Variants in MSN observed in about 807,000 individuals in gnomAD.
MSN encodes the protein epididymis luminal protein 70.
MSN carries 2 observed loss-of-function variants against 48.0 expected under a neutral mutation model. The observed-to-expected ratio is 0.04, with a 90% CI of 0.02 to 0.13. MSN has a LOEUF of 0.13. Ranked by LOEUF, MSN falls within the 10% of genes least tolerant of loss-of-function variation. MSN has a pLI of 1.00. For missense variants in MSN, 267 were observed against 470.1 expected (o/e 0.57, Z 3.99); for synonymous variants, 146 against 166.9 (o/e 0.87, Z 0.97).
chrX:65,637,089 CAAA>C (rs746876937), intron 1 of MSN, among the ~76,000 whole-genome samples: 1 of 69,983 alleles, frequency 1.4e-5, no homozygotes, highest in Non-Finnish European at 2.7e-5. Flanking sequence ...GATTCGGTCT[CAAA>C]AAAAAAAAAA....
At chrX:65,629,128 C>T (rs935592364) in intron 1 of MSN, among the ~76,000 whole-genome samples, 1 of 110,439 alleles carries the variant, frequency 9.1e-6, no homozygotes, top group African/African-American at 3.3e-5. Flanking sequence ...GAATGCTTTG[C>T]TGCCTAGAAA....
At chrX:65,693,360 T>C (rs2071195171) in intron 1 of MSN, among the ~76,000 whole-genome samples, 1 of 112,590 alleles carries the variant, frequency 8.9e-6, no homozygotes, top group African/African-American at 3.2e-5. Flanking sequence ...TAGCTTTTGA[T>C]GTGTTTGCTC....
chrX:65,633,373 CTCTT>C, intron 1 of MSN, among the ~76,000 whole-genome samples: 1 of 112,118 alleles, frequency 8.9e-6, no homozygotes, highest in Middle Eastern at 4.6e-3. Flanking sequence ...TTATAAAAAG[CTCTT>C]TATGCATTAG....
chrX:65,650,827 G>C (rs1292859965), intron 1 of MSN, among the ~76,000 whole-genome samples: 2 of 112,010 alleles, frequency 1.8e-5, no homozygotes, highest in Non-Finnish European at 3.8e-5. Context: ...GAAGGCTCTA[G>C]AGAAGAATAA....
At chrX:65,617,492 G>T (rs751586602) in intron 1 of MSN, among the ~76,000 whole-genome samples, 1 of 105,816 alleles carries the variant, frequency 9.5e-6, no homozygotes, top group Non-Finnish European at 1.9e-5. Context: ...GTTTATTTGC[G>T]TAGAGGTGTT....
At chrX:65,640,349 G>C (rs1000194836) in intron 1 of MSN, among the ~76,000 whole-genome samples, 1 of 111,263 alleles carries the variant, frequency 9.0e-6, no homozygotes, top group Non-Finnish European at 1.9e-5. Flanking sequence ...GACCAGCCTG[G>C]CTAACATAGT....
At chrX:65,708,337 G>A (rs896665184) in intron 1 of MSN, among the ~76,000 whole-genome samples, 1 of 112,235 alleles carries the variant, frequency 8.9e-6, no homozygotes, top group African/African-American at 3.2e-5. Context: ...ATGTTGCCCA[G>A]GCTGGAGTGC....
chrX:65,634,918 G>A (rs920475601), intron 1 of MSN, among the ~76,000 whole-genome samples: 1 of 111,260 alleles, frequency 9.0e-6, no homozygotes, highest in African/African-American at 3.3e-5. Context: ...TCGGACACTG[G>A]ACTCCACAGG....
intron 1 of MSN, among the ~76,000 whole-genome samples, chrX:65,614,892 C>T (rs1200388842): frequency 2.7e-5 from 2 of 73,621 alleles, no homozygotes; most frequent in Non-Finnish European, 4.9e-5. Flanking sequence ...GTGTGATATT[C>T]CCCTTCCTGT....
intron 1 of MSN, among the ~76,000 whole-genome samples, chrX:65,642,352 T>G (rs1232288855): frequency 2.8e-5 from 2 of 70,272 alleles, no homozygotes; most frequent in Non-Finnish European, 2.2e-5. Context: ...TACATTATGG[T>G]GTGTGTGTGT....
At chrX:65,636,772 A>AAAG (rs2070604703) in intron 1 of MSN, among the ~76,000 whole-genome samples, 1 of 101,747 alleles carries the variant, frequency 9.8e-6, no homozygotes, top group African/African-American at 3.7e-5. Context: ...AAAAAAAAAA[A>AAAG]AACCAGAAAG....
chrX:65,620,083 G>C (rs35473697), intron 1 of MSN, among the ~76,000 whole-genome samples: 1 of 112,072 alleles, frequency 8.9e-6, no homozygotes, highest in Non-Finnish European at 1.9e-5. Flanking sequence ...CTCCAGCTGC[G>C]TGCTGGGAGA....
chrX:65,686,302 C>G (rs999770908), intron 1 of MSN, among the ~76,000 whole-genome samples: 1 of 112,638 alleles, frequency 8.9e-6, no homozygotes, highest in South Asian at 3.6e-4. Flanking sequence ...CCACCTTTCT[C>G]TTGCCTTTTT....
chrX:65,667,746 C>G lies in MSN; in HGVS notation c.-96C>G, dbSNP rs778199127. 66 of 1,174,840 alleles carry G rather than the reference C, an allele frequency of 5.6e-5. No homozygotes were observed. The highest frequency in any genetic ancestry group is 6.9e-5 in the Non-Finnish European group (60 of 874,454). ...GCTAGTGAGGGACCCAATCTGAGTC[C>G]CCGGCCAGCCGAATCCAAGCCGTGT... On this transcript the variant is annotated 5_prime_UTR_variant, in exon 1 of 13. Transcript: ENST00000360270.
chrX:65,631,784 C>G (rs1233724206), intron 1 of MSN, among the ~76,000 whole-genome samples: 3 of 111,732 alleles, frequency 2.7e-5, no homozygotes, highest in African/African-American at 9.8e-5. Flanking sequence ...AAGTGATCCT[C>G]TCACCTCAGC....
chrX:65,712,681 C>T (rs1165339542), intron 1 of MSN, among the ~76,000 whole-genome samples: 9 of 110,217 alleles, frequency 8.2e-5, no homozygotes, highest in Non-Finnish European at 1.9e-5. Context: ...GTTGAGCTCA[C>T]GGACTCTATG....
At chrX:65,638,868 A>G (rs2070626852) in intron 1 of MSN, among the ~76,000 whole-genome samples, 1 of 111,929 alleles carries the variant, frequency 8.9e-6, no homozygotes, top group Non-Finnish European at 1.9e-5. Flanking sequence ...AAACCTGGAT[A>G]TGAATCCACC....
At chrX:65,691,565 T>C (rs5965002) in intron 1 of MSN, among the ~76,000 whole-genome samples, 26,293 of 110,718 alleles carry the variant, frequency 0.24, 7,661 homozygotes, top group African/African-American at 0.83. Context: ...AGTGCAATGG[T>C]GCAATCTCGA....
At chrX:65,645,471 G>A (rs1314355731) in intron 1 of MSN, among the ~76,000 whole-genome samples, 1 of 109,022 alleles carries the variant, frequency 9.2e-6, no homozygotes, top group Non-Finnish European at 1.9e-5. Context: ...CGGGGGCACA[G>A]AGAAGAAAGG....
Sources: gnomAD v4.1 joint callset for allele counts (sites outside exome capture counted in the v4.1 genomes callset) on GRCh38, gnomAD v4.1.1 for gene constraint, MANE v1.5 for transcripts, NCBI Gene and HGNC (gene_info 2026-07-23, HGNC 2026-07-21) for gene names.